The following TMEM233 variants were observed in gnomAD, a reference collection of about 807,000 sequenced individuals.
TMEM233 encodes dispanin subfamily B member 2.
Under a neutral mutation model 11.2 loss-of-function variants are expected in TMEM233, and 6 were observed. The ratio of observed to expected loss-of-function variants is 0.54; its 90% CI spans 0.29 to 1.06. The LOEUF (loss-of-function observed/expected upper bound fraction) is 1.06, where lower values mean the gene tolerates loss of function less well. TMEM233 is among the 50% of genes least tolerant of loss of function. The probability of loss-of-function intolerance (pLI) is 0.08; values close to 1 mark genes in which losing one functional copy is unlikely to be tolerated. For missense variants in TMEM233, 127 were observed against 144.7 expected, an observed-to-expected ratio of 0.88 and a Z score of 0.63; for synonymous variants, 59 against 55.8, an observed-to-expected ratio of 1.06 and a Z score of -0.26.
At chr12:119,600,464 T>A (rs1954141161) in intron 1 of TMEM233, among the ~76,000 whole-genome samples, 1 of 150,062 alleles carries the variant, frequency 6.7e-6, no homozygotes, top group African/African-American at 2.5e-5. Flanking sequence ...AGATTGCAAG[T>A]TAATGTTGAG....
intron 1 of TMEM233, among the ~76,000 whole-genome samples, chr12:119,600,611 A>G (rs1160266498): frequency 1.3e-5 from 2 of 152,244 alleles, no homozygotes; most frequent in East Asian, 3.8e-4. Flanking sequence ...CAGTCTTTAA[A>G]AGGAAGGAAA....
chr12:119,643,531 G>C (rs1320819159), downstream of TMEM233, among the ~76,000 whole-genome samples: 1 of 152,216 alleles, frequency 6.6e-6, no homozygotes, highest in Non-Finnish European at 1.5e-5. Flanking sequence ...CACTTCGGGA[G>C]GCCGAGGCAG....
chr12:119,647,231 A>G (rs1214682995), downstream of TMEM233, among the ~76,000 whole-genome samples: 1 of 152,200 alleles, frequency 6.6e-6, no homozygotes, highest in Non-Finnish European at 1.5e-5. Context: ...GTCCTTAAAA[A>G]GGTCTTTATT....
In TMEM233 at chr12:119,594,986, G is replaced by A. The variant is rs1400984917; in HGVS notation, c.186+952G>A. Among the ~76,000 whole-genome samples, 1 of 152,118 alleles carries A rather than the reference G, an allele frequency of 6.6e-6. No homozygotes were observed. The highest frequency in any genetic ancestry group is 1.5e-5 in the Non-Finnish European group (1 of 68,012). On this transcript the variant is annotated intron_variant, in intron 1 of 2. Transcript: ENST00000426426. The surrounding 1 kb of genome is among the most constrained non-coding windows in gnomAD (Gnocchi z 5.6). ...AATGAACTAGGGGATTCCACGCAAC[G>A]TGCGGCTCCGCCCGCCCTCTGCGCT...
downstream of TMEM233, among the ~76,000 whole-genome samples, chr12:119,646,061 C>A (rs1034089298): frequency 1.9e-5 from 1 of 51,500 alleles, no homozygotes; most frequent in Non-Finnish European, 5.1e-5. Context: ...ATTACAGTAG[C>A]TTTTTTTTTT....
chr12:119,649,025 C>T, the TMEM233 span, among the ~76,000 whole-genome samples: 1 of 152,142 alleles, frequency 6.6e-6, no homozygotes, highest in African/African-American at 2.4e-5. Context: ...CGGCTGGGCG[C>T]GGTGGCTCAT....
At chr12:119,627,966 T>G (rs969573817) in intron 1 of TMEM233, among the ~76,000 whole-genome samples, 28 of 150,282 alleles carry the variant, frequency 1.9e-4, no homozygotes, top group Admixed American at 1.1e-3. Flanking sequence ...ATCTAAAAAT[T>G]TCTTAACAAC....
Position 119,640,853 on chromosome 12 carries a change from C to CAAT in TMEM233, c.*150_*151insTAA. 111 of 434,964 alleles carry CAAT rather than the reference C, an allele frequency of 2.6e-4. No homozygotes were observed. The highest frequency in any genetic ancestry group is 5.3e-4 in the South Asian group (4 of 7,480). 26.9% of individuals were successfully genotyped at this position (434,964 alleles called of 1,614,324 possible). A position where few individuals can be genotyped will look rare whatever the true frequency, so the allele number is the denominator to read the frequency against. ...CAGAGGCAGGTCCCTGGCAAATGAACAAGAAAAAAAAAAAAAAAAAGTCCA... is the reference window on the plus strand; with the variant it reads ...CAGAGGCAGGTCCCTGGCAAATGAACAATAAGAAAAAAAAAAAAAAAAAGTCCA... On this transcript the variant is annotated 3_prime_UTR_variant, in exon 3 of 3. Coordinates refer to ENST00000426426, the MANE Select transcript of TMEM233 (RefSeq NM_001136534.3).
rs1489376948 is a variant in TMEM233, at chr12:119,642,326, A to G, written c.*1621A>G. ...GCCAGGCGTGGTGGTGCATGCCTGT[A>G]ATCCCAGCTAATAGAGAGGCTGAGG... On this transcript the variant is annotated 3_prime_UTR_variant, in exon 3 of 3. Coordinates refer to ENST00000426426, the MANE Select transcript of TMEM233 (RefSeq NM_001136534.3). 6.6e-6 allele frequency: 1 copy of G among 152,248 alleles called. No homozygotes were observed. Among genetic ancestry groups the G allele is most frequent in the Non-Finnish European group, 1.5e-5 (1 of 68,100 alleles). The allele number at this position is 152,248 out of a possible 1,614,324, so 9.4% of individuals were successfully genotyped here.
At chr12:119,640,663 G>A (rs1015263302) in intron 2 of TMEM233, 36 bp from the exon 3 acceptor site, 22 of 1,548,472 alleles carry the variant, frequency 1.4e-5, no homozygotes, top group East Asian at 2.4e-5. Context: ...CTCAGCCCAC[G>A]GTCTTTCTCT....
chr12:119,596,599 C>G (rs927193274), intron 1 of TMEM233, among the ~76,000 whole-genome samples: 1 of 147,184 alleles, frequency 6.8e-6, no homozygotes, highest in Non-Finnish European at 1.5e-5. Context: ...TCAAGCGATC[C>G]TTCCACCCCA....
intron 1 of TMEM233, among the ~76,000 whole-genome samples, chr12:119,603,355 A>C (rs966275169): frequency 6.6e-6 from 1 of 152,234 alleles, no homozygotes; most frequent in Non-Finnish European, 1.5e-5. Context: ...AGTGGCAGAT[A>C]AGATAACAAG....
Position 119,595,188 on chromosome 12 carries a change from G to GGGGGTGGC in TMEM233, c.186+1157_186+1164dup, listed in dbSNP as rs1431864342. On this transcript the variant is annotated intron_variant, in intron 1 of 2. Transcript: ENST00000426426. This position sits in a 1 kb window ranked among gnomAD's most constrained non-coding sequence, Gnocchi z 4.3. ...CCTTATTGACTGCAGCAGCTGGCCCGGGGGTGGCGGCGGGGTGAGGTTCGT... is the reference window on the plus strand; with the variant it reads ...CCTTATTGACTGCAGCAGCTGGCCCGGGGGTGGCGGGGTGGCGGCGGGGTGAGGTTCGT... 2.0e-5 allele frequency among the ~76,000 whole-genome samples: 3 copies of GGGGGTGGC among 152,210 alleles called. No individual in the cohort carries two copies. The East Asian group carries it at 5.8e-4, about 29-fold the overall frequency.
chr12:119,646,378 G>C (rs150838910), downstream of TMEM233, among the ~76,000 whole-genome samples: 949 of 152,204 alleles, frequency 6.2e-3, 7 homozygotes, highest in African/African-American at 0.021. Flanking sequence ...TTTCTTACAG[G>C]GCTCTCTGGT....
At chr12:119,636,393 C>T (rs1396366386) in intron 2 of TMEM233, among the ~76,000 whole-genome samples, 2 of 152,192 alleles carry the variant, frequency 1.3e-5, no homozygotes, top group Non-Finnish European at 2.9e-5. Flanking sequence ...TATAGCACAA[C>T]ATCACACCTA....
chr12:119,597,790 C>T (rs1199395929), intron 1 of TMEM233, among the ~76,000 whole-genome samples: 1 of 152,134 alleles, frequency 6.6e-6, no homozygotes, highest in African/African-American at 2.4e-5. Flanking sequence ...AGTGTTTCTT[C>T]CTCTATATAT....
chr12:119,617,507 T>A (rs1027821647), intron 1 of TMEM233, among the ~76,000 whole-genome samples: 2 of 151,950 alleles, frequency 1.3e-5, no homozygotes, highest in African/African-American at 4.8e-5. Context: ...ATCATAAAAG[T>A]TTGAAAAATT....
chr12:119,610,257 T>C (rs1000180431), intron 1 of TMEM233, among the ~76,000 whole-genome samples: 28 of 152,256 alleles, frequency 1.8e-4, no homozygotes, highest in Admixed American at 1.1e-3. Context: ...TGTACTCCTA[T>C]TGTATCTAGG....
At chr12:119,653,558 A>G in the TMEM233 span, among the ~76,000 whole-genome samples, 1 of 152,076 alleles carries the variant, frequency 6.6e-6, no homozygotes, top group Non-Finnish European at 1.5e-5. Flanking sequence ...TAAAGAATCT[A>G]GAGGAATAGA....
Sources: gnomAD v4.1 joint callset for allele counts (sites outside exome capture counted in the v4.1 genomes callset) on GRCh38, gnomAD v4.1.1 for gene constraint, Gnocchi (gnomAD v3.1) non-coding constraint, MANE v1.5 for transcripts, NCBI Gene and HGNC (gene_info 2026-07-23, HGNC 2026-07-21) for gene names.